Variants in HNRNPC observed in about 807,000 individuals in gnomAD.
HNRNPC encodes the protein heterogeneous nuclear ribonucleoprotein C.
A neutral mutation model predicts 33.2 loss-of-function variants in HNRNPC; 3 were observed. The ratio of observed to expected loss-of-function variants is 0.09; its 90% confidence interval spans 0.04 to 0.23. The LOEUF (loss-of-function observed/expected upper bound fraction) is 0.23, where lower values mean the gene tolerates loss of function less well. HNRNPC is among the 10% of genes least tolerant of loss of function. HNRNPC has a pLI of 1.00. For synonymous variants in HNRNPC, 121 were observed against 126.7 expected (o/e 0.96, Z 0.30); for missense variants, 143 against 366.7 (o/e 0.39, Z 4.98).
intron 2 of HNRNPC, among the ~76,000 whole-genome samples, chr14:21,259,084 C>T (rs751588431): frequency 4.5e-4 from 69 of 152,274 alleles, no homozygotes; most frequent in Admixed American, 1.3e-3. Flanking sequence ...TGGTCCTTGC[C>T]TACCTCTCTA....
intron 2 of HNRNPC, among the ~76,000 whole-genome samples, chr14:21,248,843 GTAATTT>G (rs1267845563): frequency 6.6e-6 from 1 of 152,140 alleles, no homozygotes; most frequent in Non-Finnish European, 1.5e-5. Context: ...TTTTGACTCA[GTAATTT>G]TAACTTTGAG....
intron 2 of HNRNPC, among the ~76,000 whole-genome samples, chr14:21,244,098 C>T (rs925078148): frequency 6.0e-5 from 9 of 150,986 alleles, no homozygotes; most frequent in Non-Finnish European, 1.2e-4. Flanking sequence ...TTGCGATCTT[C>T]GATCACTGCA....
intron 1 of HNRNPC, chr14:21,264,508 G>A (rs1878666189): frequency 1.3e-5 from 2 of 152,144 alleles, no homozygotes; most frequent in African/African-American, 4.8e-5. Context: ...TGTTTCTGTA[G>A]TCCACTATTT....
chr14:21,215,109 G>T (rs1202652910), intron 5 of HNRNPC, among the ~76,000 whole-genome samples: 1 of 152,162 alleles, frequency 6.6e-6, no homozygotes, highest in Non-Finnish European at 1.5e-5. Context: ...ACAGTCTCAT[G>T]AACACAATTA....
At chr14:21,223,702 T>C in intron 5 of HNRNPC, among the ~76,000 whole-genome samples, 1 of 152,048 alleles carries the variant, frequency 6.6e-6, no homozygotes, top group East Asian at 1.9e-4. Context: ...TGAGCAGTGA[T>C]GCGCCACTGC....
intron 2 of HNRNPC, among the ~76,000 whole-genome samples, chr14:21,251,812 TA>T (rs1172647684): frequency 6.6e-6 from 1 of 152,230 alleles, no homozygotes; most frequent in Non-Finnish European, 1.5e-5. Flanking sequence ...AAATTTTCAG[TA>T]AATTTCACAC....
chr14:21,211,591 T>C, intron 7 of HNRNPC, 25 bp from the exon 8 acceptor site: 1 of 1,591,864 alleles, frequency 6.3e-7, no homozygotes, highest in Non-Finnish European at 8.6e-7. Context: ...GACAAGTCTG[T>C]CTAGGGGCAG....
In HNRNPC at chr14:21,211,192, T is replaced by C. The variant is rs750276379; in HGVS notation, c.*31A>G. 2.5e-6 allele frequency: 4 copies of C among 1,605,294 alleles called. No homozygotes were observed. The highest frequency in any genetic ancestry group is 1.7e-4 in the Middle Eastern group (1 of 5,890). On this transcript the variant is annotated 3_prime_UTR_variant, in exon 9 of 9. Coordinates refer to ENST00000553300, the MANE Select transcript of HNRNPC (RefSeq NM_004500.4). ...GACAAGCGCCTAGGTAAAGAAATAA[T>C]GGGATAAGATTTCTAAACCCCACTA...
chr14:21,238,067 G>C (rs949045391), intron 2 of HNRNPC, among the ~76,000 whole-genome samples: 1 of 152,058 alleles, frequency 6.6e-6, no homozygotes, highest in Non-Finnish European at 1.5e-5. Flanking sequence ...CACTGCACTC[G>C]GCCCTGATCC....
intron 1 of HNRNPC, among the ~76,000 whole-genome samples, chr14:21,269,073 AG>A (rs779878327): frequency 6.6e-6 from 1 of 152,118 alleles, no homozygotes; most frequent in Non-Finnish European, 1.5e-5. Context: ...GAGCGAAAAA[AG>A]GACATTTTCC....
intron 4 of HNRNPC, 175 bp downstream of exon 4, chr14:21,230,819 ATAT>A (rs570689635): frequency 1.1e-4 from 71 of 632,752 alleles, no homozygotes; most frequent in African/African-American, 1.1e-3. Flanking sequence ...AAAAAGAGAC[ATAT>A]TAACACAAAA....
Position 21,211,037 on chromosome 14 carries a change from A to C in HNRNPC, c.*186T>G. 1 of 631,406 alleles carries C rather than the reference A, an allele frequency of 1.6e-6. No individual in the cohort carries two copies. The highest frequency in any genetic ancestry group is 2.0e-5 in the South Asian group (1 of 49,240). 39.1% of individuals were successfully genotyped at this position (631,406 alleles called of 1,614,324 possible). ...CTTAACAAAACTACTAGGAGCGTCA[A>C]AGGAAGTGAAAATGGGACTAGGCGC... On this transcript the variant is annotated 3_prime_UTR_variant, in exon 9 of 9. Coordinates refer to ENST00000553300, the MANE Select transcript of HNRNPC (RefSeq NM_004500.4).
chr14:21,235,727 G>A (rs936811452), intron 2 of HNRNPC, among the ~76,000 whole-genome samples: 6 of 152,152 alleles, frequency 3.9e-5, no homozygotes, highest in Middle Eastern at 3.2e-3. Context: ...GGCCTAACTG[G>A]TTTCAGATAC....
intron 2 of HNRNPC, among the ~76,000 whole-genome samples, chr14:21,243,079 C>G (rs1895547110): frequency 6.6e-6 from 1 of 152,090 alleles, no homozygotes; most frequent in African/African-American, 2.4e-5. Flanking sequence ...GAGCGGAGAT[C>G]AAGCCACCTC....
chr14:21,235,825 T>C (rs368550231), intron 2 of HNRNPC, among the ~76,000 whole-genome samples: 32 of 152,030 alleles, frequency 2.1e-4, no homozygotes, highest in African/African-American at 7.2e-4. Flanking sequence ...GGTTTATCAA[T>C]AGAAAATATA....
intron 5 of HNRNPC, among the ~76,000 whole-genome samples, chr14:21,229,368 C>CAAAA (rs36094058): frequency 8.9e-6 from 1 of 112,306 alleles, no homozygotes; most frequent in Non-Finnish European, 1.9e-5. Flanking sequence ...GAGACTGTCT[C>CAAAA]AAAAAAAAAA....
chr14:21,227,014 C>T (rs1167012156), intron 5 of HNRNPC, among the ~76,000 whole-genome samples: 2 of 151,956 alleles, frequency 1.3e-5, no homozygotes, highest in Admixed American at 1.3e-4. Context: ...TGAAGTATCG[C>T]TGTTACCATT....
intron 2 of HNRNPC, among the ~76,000 whole-genome samples, chr14:21,243,887 A>G (rs1326453014): frequency 6.6e-6 from 1 of 152,182 alleles, no homozygotes; most frequent in African/African-American, 2.4e-5. Context: ...TAATAATTAC[A>G]TATTAGTAAA....
intron 5 of HNRNPC, among the ~76,000 whole-genome samples, chr14:21,225,560 T>C (rs906428821): frequency 6.6e-6 from 1 of 152,146 alleles, no homozygotes; most frequent in Non-Finnish European, 1.5e-5. Context: ...CTAAAAGGTG[T>C]CCATCCTCAG....
Sources: gnomAD v4.1 joint callset for allele counts (sites outside exome capture counted in the v4.1 genomes callset) on GRCh38, gnomAD v4.1.1 for gene constraint, MANE v1.5 for transcripts, NCBI Gene and HGNC (gene_info 2026-07-23, HGNC 2026-07-21) for gene names.